P3H2: variants seen among roughly 807,000 people sequenced by gnomAD.
The protein encoded by P3H2 is leprecan-like 1.
Under a neutral mutation model 87.0 loss-of-function variants are expected in P3H2, and 80 were observed. That is an observed-to-expected ratio of 0.92 (90% confidence interval 0.77 to 1.11). The LOEUF (loss-of-function observed/expected upper bound fraction) is 1.11. Ranked by LOEUF, P3H2 falls within the 50% of genes least tolerant of loss-of-function variation. The pLI, the probability that P3H2 is intolerant of heterozygous loss-of-function variation, is 0.00. For missense variants in P3H2, 1,001 were observed against 923.9 expected (o/e 1.08, Z -1.08); for synonymous variants, 367 against 359.3 (o/e 1.02, Z -0.24).
chr3:189,972,046 T>C, intron 11 of P3H2, 39 bp from the exon 12 acceptor site: 1 of 1,228,836 alleles, frequency 8.1e-7, no homozygotes, highest in Non-Finnish European at 1.2e-6. Flanking sequence ...AGAAATGAAG[T>C]GCAGCAACTT....
At chr3:190,042,625 T>G (rs1442839366) in intron 1 of P3H2, among the ~76,000 whole-genome samples, 1 of 152,236 alleles carries the variant, frequency 6.6e-6, no homozygotes, top group Non-Finnish European at 1.5e-5. Context: ...ACCTTATGAA[T>G]AAAAGTACAG....
chr3:190,027,403 C>T (rs987788235), intron 1 of P3H2, among the ~76,000 whole-genome samples: 4 of 152,076 alleles, frequency 2.6e-5, no homozygotes, highest in African/African-American at 9.7e-5. Context: ...ATACAGTAAC[C>T]CATTCTTAAC....
chr3:190,064,748 G>A (rs57257121), intron 1 of P3H2, among the ~76,000 whole-genome samples: 26,243 of 152,000 alleles, frequency 0.17, 3,455 homozygotes, highest in African/African-American at 0.37. Flanking sequence ...GAGTCATACC[G>A]TATAGTTTTG....
In P3H2 at chr3:189,957,429, G is replaced by T; in HGVS notation, c.*483C>A. 1 of 367,586 alleles carries T rather than the reference G, an allele frequency of 2.7e-6. No individual in the cohort carries two copies. The allele number at this position is 367,586 out of a possible 1,614,324, so 22.8% of individuals were successfully genotyped here. ...TTATTCTCTCTAAGCTTTTGAATTT[G>T]CAGCAACTTAATTGTGTGTGTGTGT... On this transcript the variant is annotated 3_prime_UTR_variant, in exon 15 of 15. Coordinates refer to ENST00000319332, the MANE Select transcript of P3H2 (RefSeq NM_018192.4).
chr3:190,012,405 G>C (rs891949869), intron 1 of P3H2, among the ~76,000 whole-genome samples: 6 of 151,998 alleles, frequency 3.9e-5, no homozygotes, highest in Non-Finnish European at 5.9e-5. Flanking sequence ...ACTTCCAAAG[G>C]CTCCCCACTG....
intron 1 of P3H2, among the ~76,000 whole-genome samples, chr3:190,087,478 A>AGCTTGCAG (rs1432477655): frequency 3.5e-5 from 5 of 144,776 alleles, no homozygotes; most frequent in Non-Finnish European, 6.0e-5. Context: ...TGGGAGGCGG[A>AGCTTGCAG]GCTTGCAGTG....
At chr3:190,011,447 A>T (rs1004274548) in intron 1 of P3H2, among the ~76,000 whole-genome samples, 1 of 152,202 alleles carries the variant, frequency 6.6e-6, no homozygotes, top group Non-Finnish European at 1.5e-5. Context: ...TATCCTAAAA[A>T]ATAAGTTTGA....
intron 1 of P3H2, chr3:190,116,466 C>G (rs1244991404): frequency 1.3e-5 from 2 of 152,124 alleles, no homozygotes; most frequent in Admixed American, 1.3e-4. Flanking sequence ...ACTGGGAAAA[C>G]TAAAAATTAA....
At chr3:190,094,366 T>C (rs978837381) in intron 1 of P3H2, among the ~76,000 whole-genome samples, 2 of 152,240 alleles carry the variant, frequency 1.3e-5, no homozygotes, top group African/African-American at 4.8e-5. Flanking sequence ...CTTTGAAAAG[T>C]TATTTTCCAT....
intron 1 of P3H2, among the ~76,000 whole-genome samples, chr3:190,036,152 A>T (rs1295122561): frequency 6.6e-6 from 1 of 152,116 alleles, no homozygotes; most frequent in Admixed American, 6.5e-5. Context: ...TTGTTCTCTA[A>T]AATGAAGTCA....
intron 1 of P3H2, among the ~76,000 whole-genome samples, chr3:190,072,901 T>G (rs1726751965): frequency 6.6e-6 from 1 of 152,216 alleles, no homozygotes; most frequent in African/African-American, 2.4e-5. Flanking sequence ...TTTGCTTCTC[T>G]ATATTTTGCA....
intron 1 of P3H2, among the ~76,000 whole-genome samples, chr3:190,033,369 T>C (rs1725318229): frequency 6.6e-6 from 1 of 152,206 alleles, no homozygotes; most frequent in South Asian, 2.1e-4. Context: ...ATACCTTTAT[T>C]AAAATTAATA....
intron 8 of P3H2, among the ~76,000 whole-genome samples, chr3:189,979,664 A>G (rs1723466167): frequency 6.6e-6 from 1 of 151,988 alleles, no homozygotes; most frequent in Non-Finnish European, 1.5e-5. Context: ...CACAACCTTT[A>G]AAAATCTGGT....
At chr3:190,041,387 A>G (rs1431611617) in intron 1 of P3H2, among the ~76,000 whole-genome samples, 6 of 151,344 alleles carry the variant, frequency 4.0e-5, no homozygotes, top group Non-Finnish European at 8.8e-5. Flanking sequence ...TTTTTAAAGG[A>G]GGGTGGCAGT....
intron 1 of P3H2, among the ~76,000 whole-genome samples, chr3:190,111,022 A>T (rs892552335): frequency 6.6e-6 from 1 of 152,178 alleles, no homozygotes; most frequent in Non-Finnish European, 1.5e-5. Context: ...ACTTCTAGAA[A>T]TTCTGACGTT....
rs1276697791 is a variant in P3H2 at position 189,957,674 on chromosome 3, C to G, written c.*238G>C. The stretch of plus-strand genomic sequence containing the variant: ...AATAGCCACTGCCCTATATCCTAGA[C>G]AACATGGTTAGACCATGTCTCTAAG... On this transcript the variant is annotated 3_prime_UTR_variant, in exon 15 of 15. Transcript: ENST00000319332. 1.8e-6 allele frequency: 1 copy of G among 551,956 alleles called. No individual in the cohort carries two copies. Among genetic ancestry groups the G allele is most frequent in the Non-Finnish European group, 3.2e-6 (1 of 311,074 alleles). 34.2% of individuals were successfully genotyped at this position (551,956 alleles called of 1,614,324 possible). A position where few individuals can be genotyped will look rare whatever the true frequency, so the allele number is the denominator to read the frequency against.
At chr3:190,035,478 A>T (rs951819129) in intron 1 of P3H2, among the ~76,000 whole-genome samples, 5 of 152,220 alleles carry the variant, frequency 3.3e-5, no homozygotes, top group African/African-American at 1.2e-4. Flanking sequence ...CTTAAAGATT[A>T]AACAGTCTTA....
chr3:189,994,770 G>A (rs973574311), intron 2 of P3H2, among the ~76,000 whole-genome samples: 1 of 150,412 alleles, frequency 6.6e-6, no homozygotes, highest in African/African-American at 2.4e-5. Flanking sequence ...AAAAAAAAAG[G>A]CTTTCAACAT....
intron 1 of P3H2, among the ~76,000 whole-genome samples, chr3:190,032,699 G>T (rs1289905100): frequency 6.6e-6 from 1 of 152,084 alleles, no homozygotes; most frequent in Non-Finnish European, 1.5e-5. Context: ...AAATTAAATT[G>T]TCACCCTATG....
Sources: gnomAD v4.1 joint callset for allele counts (sites outside exome capture counted in the v4.1 genomes callset) on GRCh38, gnomAD v4.1.1 for gene constraint, MANE v1.5 for transcripts, NCBI Gene and HGNC (gene_info 2026-07-23, HGNC 2026-07-21) for gene names.